ERCC6L2: variants seen among roughly 807,000 people sequenced by gnomAD.
ERCC6L2 encodes the protein ERCC excision repair 6 like 2.
In ERCC6L2, 77 loss-of-function variants were observed where a neutral mutation model predicts 132.0. That is an observed-to-expected ratio of 0.58 (90% CI 0.49 to 0.71). The LOEUF (loss-of-function observed/expected upper bound fraction) is 0.71, where lower values mean the gene tolerates loss of function less well. Ranked by LOEUF, ERCC6L2 falls within the 30% of genes least tolerant of loss-of-function variation. The pLI is 0.00. For missense variants in ERCC6L2, 1,542 were observed against 1,837.6 expected (o/e 0.84, Z 2.94); for synonymous variants, 583 against 632.4 (o/e 0.92, Z 1.17).
chr9:95,964,552 A>G (rs1832065768), intron 13 of ERCC6L2, among the ~76,000 whole-genome samples: 1 of 152,120 alleles, frequency 6.6e-6, no homozygotes, highest in Non-Finnish European at 1.5e-5. Context: ...TAAGGAAGCA[A>G]AGGGTCAGAG....
At chr9:95,904,240 A>G (rs551647586) in intron 3 of ERCC6L2, among the ~76,000 whole-genome samples, 14 of 152,096 alleles carry the variant, frequency 9.2e-5, no homozygotes, top group African/African-American at 2.9e-4. Flanking sequence ...TTTCATTTTG[A>G]TATCACACTT....
rs1834213545 is a variant in ERCC6L2 at position 96,017,810 on chromosome 9, C to CAA, written c.*4608_*4609insAA. ...CCACGCATATTTGAACATCTGTGTT[C>CAA]ATAGTGGCATTATTCACAATGGCTA... On this transcript the variant is annotated 3_prime_UTR_variant, in exon 19 of 19. Transcript: ENST00000653738. Among the ~76,000 whole-genome samples the CAA allele has an allele frequency of 6.6e-6, 1 of 152,168 alleles. No individual in the cohort carries two copies. Among genetic ancestry groups the CAA allele is most frequent in the Non-Finnish European group, 1.5e-5 (1 of 68,032 alleles).
intron 12 of ERCC6L2, among the ~76,000 whole-genome samples, chr9:95,950,627 T>G (rs775660063): frequency 3.3e-5 from 5 of 152,058 alleles, no homozygotes; most frequent in Non-Finnish European, 7.4e-5. Context: ...ATACACAGGT[T>G]GAAAATAAAA....
intron 6 of ERCC6L2, among the ~76,000 whole-genome samples, chr9:95,916,785 C>T (rs771591261): frequency 1.2e-4 from 18 of 151,342 alleles, no homozygotes; most frequent in Non-Finnish European, 2.1e-4. Context: ...CAAGTTCAAG[C>T]GATTCTGCAG....
chr9:96,027,031 CACAT>C (rs947830763), intron 19 of ERCC6L2, among the ~76,000 whole-genome samples: 5 of 148,756 alleles, frequency 3.4e-5, no homozygotes, highest in Non-Finnish European at 7.5e-5. Context: ...ATACCCCACA[CACAT>C]ACCCACCACC....
At chr9:95,930,667 A>G (rs897649513) in intron 11 of ERCC6L2, among the ~76,000 whole-genome samples, 9 of 152,016 alleles carry the variant, frequency 5.9e-5, no homozygotes, top group Non-Finnish European at 7.4e-5. Flanking sequence ...TGTAACTTTC[A>G]ATCTTTGTAC....
chr9:95,975,474 T>C (rs2133095814), intron 16 of ERCC6L2, among the ~76,000 whole-genome samples: 1 of 149,972 alleles, frequency 6.7e-6, no homozygotes, highest in East Asian at 1.9e-4. Flanking sequence ...ATATGTTCTT[T>C]TTTTTTTTTT....
Position 95,973,093 on chromosome 9 carries a change from C to A in ERCC6L2, c.3337+5C>A. The A allele has an allele frequency of 7.6e-7, 1 of 1,314,382 alleles. No homozygotes were observed. Among genetic ancestry groups the A allele is most frequent in the Non-Finnish European group, 1.0e-6 (1 of 998,880 alleles). The allele number at this position is 1,314,382 out of a possible 1,614,324, so 81.4% of individuals were successfully genotyped here. On this transcript the variant is annotated splice_donor_5th_base_variant and intron_variant, in intron 16 of 18. Transcript: ENST00000653738. ...AATCAATGGATAAATTTTTAGGTAA[C>A]TAAAGACACATTCTCAAAACTTTAA...
intron 12 of ERCC6L2, among the ~76,000 whole-genome samples, chr9:95,952,615 C>G (rs1831390226): frequency 1.3e-5 from 2 of 152,180 alleles, no homozygotes; most frequent in South Asian, 4.1e-4. Flanking sequence ...GCTCGTGCCT[C>G]TTGAGGTCAG....
intron 4 of ERCC6L2, among the ~76,000 whole-genome samples, chr9:95,910,195 T>G (rs568629328): frequency 6.6e-6 from 1 of 152,358 alleles, no homozygotes; most frequent in East Asian, 1.9e-4. Context: ...TAATTGTAGA[T>G]ATGTTTATTT....
At chr9:96,036,760 ATTATTT>A (rs1834523341) in intron 19 of ERCC6L2, among the ~76,000 whole-genome samples, 1 of 102,546 alleles carries the variant, frequency 9.8e-6, no homozygotes, top group Admixed American at 1.0e-4. Context: ...TATTATTATT[ATTATTT>A]TTATTTATTT....
rs1230918832 is a variant in ERCC6L2 at position 95,955,723 on chromosome 9, TC to T, written c.1848-190del. 3.4e-5 allele frequency among the ~76,000 whole-genome samples: 5 copies of T among 148,772 alleles called. 1 individual carries two copies. The highest frequency in any genetic ancestry group is 1.3e-4 in the African/African-American group (5 of 38,210). On this transcript the variant is annotated intron_variant, in intron 12 of 18. Coordinates refer to ENST00000653738, the MANE Select transcript of ERCC6L2 (RefSeq NM_020207.7). The stretch of plus-strand genomic sequence containing the variant: ...CTTGTAGGTTTTCTGTAATATTTTT[TC>T]TCCTTAATAAGCTTTTTATATGAGT...
Position 95,876,015 on chromosome 9 carries a change from G to C in ERCC6L2, c.-24G>C, listed in dbSNP as rs1252283509. On this transcript the variant is annotated 5_prime_UTR_variant, in exon 1 of 19. Coordinates refer to ENST00000653738, the MANE Select transcript of ERCC6L2 (RefSeq NM_020207.7). ...GCCTTCCGGGTGTTACATGCAGCCG[G>C]GCTCGGCCCCTCCCCCTGGCCGGAT... 20 of 1,578,504 alleles carry C rather than the reference G, an allele frequency of 1.3e-5. No individual in the cohort carries two copies. The highest frequency in any genetic ancestry group is 1.6e-5 in the Non-Finnish European group (19 of 1,163,266).
chr9:95,904,659 G>A (rs967141990), intron 3 of ERCC6L2, among the ~76,000 whole-genome samples: 2 of 152,080 alleles, frequency 1.3e-5, no homozygotes, highest in Admixed American at 1.3e-4. Flanking sequence ...TTGGCACACA[G>A]TAAGTGCTCA....
At chr9:96,004,035 A>G (rs980728428) in intron 17 of ERCC6L2, among the ~76,000 whole-genome samples, 11 of 152,164 alleles carry the variant, frequency 7.2e-5, no homozygotes, top group African/African-American at 2.7e-4. Context: ...TATTCTTGCA[A>G]CCCAGCAGAG....
At chr9:95,880,753 C>A (rs1394173844) in intron 1 of ERCC6L2, 116 bp from the exon 2 acceptor site, 5 of 787,190 alleles carry the variant, frequency 6.4e-6, no homozygotes, top group Non-Finnish European at 1.0e-5. Context: ...TTATCTTGTT[C>A]CAGTTTTTTG....
In ERCC6L2 at chr9:95,985,077, G is replaced by A. The variant is rs367922794; in HGVS notation, c.3492+6862G>A. Among the ~76,000 whole-genome samples, 43 of 152,234 alleles carry A rather than the reference G, an allele frequency of 2.8e-4. 1 individual carries two copies. The Middle Eastern group carries it at 0.014, about 48-fold the overall frequency. On this transcript the variant is annotated intron_variant, in intron 17 of 18. Coordinates refer to ENST00000653738, the MANE Select transcript of ERCC6L2 (RefSeq NM_020207.7). Reference sequence around the variant, plus strand: ...TCCAATTTGACCCAATTCAAGTTCCGTTTTTTCCACAAAGCCTCAGTCTTC... The same window carrying A: ...TCCAATTTGACCCAATTCAAGTTCCATTTTTTCCACAAAGCCTCAGTCTTC...
At chr9:96,026,209 T>C (rs907421665) in intron 19 of ERCC6L2, among the ~76,000 whole-genome samples, 15 of 152,168 alleles carry the variant, frequency 9.9e-5, no homozygotes, top group African/African-American at 3.6e-4. Context: ...AAACTGGGCA[T>C]GACCGCGCCA....
At chr9:95,950,508 G>A (rs926706841) in intron 12 of ERCC6L2, among the ~76,000 whole-genome samples, 3 of 152,128 alleles carry the variant, frequency 2.0e-5, no homozygotes, top group Non-Finnish European at 4.4e-5. Context: ...TATTTCAAAT[G>A]TAAATGGATC....
Sources: gnomAD v4.1 joint callset for allele counts (sites outside exome capture counted in the v4.1 genomes callset) on GRCh38, gnomAD v4.1.1 for gene constraint, MANE v1.5 for transcripts, NCBI Gene and HGNC (gene_info 2026-07-23, HGNC 2026-07-21) for gene names.